GAS2: variants seen among roughly 807,000 people sequenced by gnomAD.
The protein encoded by GAS2 is growth arrest specific 2.
Under a neutral mutation model 37.5 loss-of-function variants are expected in GAS2, and 20 were observed. That is an observed-to-expected ratio of 0.53 (90% CI 0.37 to 0.77). The LOEUF (loss-of-function observed/expected upper bound fraction) is 0.77, where lower values mean the gene tolerates loss of function less well. GAS2 is among the 30% of genes least tolerant of loss of function. GAS2 has a pLI of 0.00. For missense variants in GAS2, 336 were observed against 373.4 expected (o/e 0.90, Z 0.82); for synonymous variants, 144 against 132.2 (o/e 1.09, Z -0.61).
intron 3 of GAS2, among the ~76,000 whole-genome samples, chr11:22,712,396 G>C (rs865987123): frequency 1.9e-4 from 29 of 152,158 alleles, no homozygotes; most frequent in African/African-American, 7.0e-4. Context: ...ACATTCCTTA[G>C]CACCAGCCTA....
At chr11:22,754,123 T>C (rs997071762) in intron 6 of GAS2, among the ~76,000 whole-genome samples, 2 of 152,080 alleles carry the variant, frequency 1.3e-5, no homozygotes, top group Non-Finnish European at 2.9e-5. Context: ...ACTAACTTAA[T>C]GTTAAGTAGT....
chr11:22,667,508 A>G (rs1365416770), intron 1 of GAS2, among the ~76,000 whole-genome samples: 2 of 152,200 alleles, frequency 1.3e-5, no homozygotes, highest in Non-Finnish European at 2.9e-5. Flanking sequence ...GCCGATATAT[A>G]TCAACACACT....
intron 5 of GAS2, among the ~76,000 whole-genome samples, chr11:22,738,111 C>T (rs952715278): frequency 6.6e-5 from 10 of 152,080 alleles, no homozygotes; most frequent in African/African-American, 2.2e-4. Flanking sequence ...ATTCTATCTT[C>T]CTCCTCCTTC....
chr11:22,683,157 C>T (rs950710804), intron 2 of GAS2, among the ~76,000 whole-genome samples: 1 of 131,818 alleles, frequency 7.6e-6, no homozygotes, highest in Non-Finnish European at 1.6e-5. Context: ...AGACTGCTCC[C>T]AAAAATGGAA....
chr11:22,733,550 A>G (rs1852593599), intron 4 of GAS2, among the ~76,000 whole-genome samples: 1 of 151,692 alleles, frequency 6.6e-6, no homozygotes, highest in Non-Finnish European at 1.5e-5. Flanking sequence ...GGTCTAATGC[A>G]TTTTATCCTT....
chr11:22,730,014 A>C (rs1852399094), intron 4 of GAS2, among the ~76,000 whole-genome samples: 1 of 151,828 alleles, frequency 6.6e-6, no homozygotes, highest in Non-Finnish European at 1.5e-5. Context: ...AAACATTAAA[A>C]AAATAGCTGG....
chr11:22,750,801 G>A (rs1426932842), intron 6 of GAS2, among the ~76,000 whole-genome samples: 2 of 151,240 alleles, frequency 1.3e-5, no homozygotes, highest in African/African-American at 4.9e-5. Flanking sequence ...ATTTCCCTGG[G>A]GCAAATATAC....
chr11:22,675,353 G>T (rs187971156), intron 2 of GAS2, among the ~76,000 whole-genome samples: 1 of 152,104 alleles, frequency 6.6e-6, no homozygotes, highest in African/African-American at 2.4e-5. Flanking sequence ...TTGTACACAG[G>T]CCACAGTGTC....
At chr11:22,807,053 G>C (rs758019568) in intron 7 of GAS2, among the ~76,000 whole-genome samples, 1 of 151,478 alleles carries the variant, frequency 6.6e-6, no homozygotes, top group Non-Finnish European at 1.5e-5. Flanking sequence ...TCAGTGAAAG[G>C]CAATAGTGTA....
At chr11:22,746,437 T>C (rs1210294073) in intron 5 of GAS2, among the ~76,000 whole-genome samples, 1 of 152,164 alleles carries the variant, frequency 6.6e-6, no homozygotes, top group African/African-American at 2.4e-5. Context: ...CCGTTCACAA[T>C]AGCAAAGATG....
intron 7 of GAS2, among the ~76,000 whole-genome samples, chr11:22,786,497 G>A (rs1011281411): frequency 6.6e-6 from 1 of 152,060 alleles, no homozygotes; most frequent in African/African-American, 2.4e-5. Context: ...ACTATGCAAG[G>A]ACTGGTTTTC....
chr11:22,667,909 A>T (rs968011621), intron 1 of GAS2, among the ~76,000 whole-genome samples: 1 of 152,196 alleles, frequency 6.6e-6, no homozygotes, highest in African/African-American at 2.4e-5. Context: ...GCAAAACTTT[A>T]TTCTTATAAA....
At chr11:22,737,622 A>G (rs7934119) in intron 4 of GAS2, 83 bp from the exon 5 acceptor site, 206,238 of 1,257,762 alleles carry the variant, frequency 0.16, 17,682 homozygotes, top group Admixed American at 0.18. Flanking sequence ...GAGCACGAGG[A>G]ATGAGGGTCA....
intron 1 of GAS2, chr11:22,626,186 A>G (rs530175100): frequency 3.2e-6 from 1 of 311,888 alleles, no homozygotes; most frequent in African/African-American, 2.1e-5. Flanking sequence ...GAGGTTTTTC[A>G]AAATTAAGTA....
At position 22,653,509 on chromosome 11, in the gene GAS2, C is replaced by T. The variant is rs377116862; in HGVS notation, c.-20-21341C>T. Among the ~76,000 whole-genome samples, 15 of 152,168 alleles carry T rather than the reference C, an allele frequency of 9.9e-5. No homozygotes were observed. In the South Asian group the frequency reaches 2.7e-3, roughly 27 times the overall value. ...AAACTTTCTTGTTTTTAATCACTTC[C>T]AGATCTATATGAAGACTGGAAGATG... is the stretch of plus-strand genomic sequence containing the variant. On this transcript the variant is annotated intron_variant, in intron 1 of 5. Transcript: ENST00000528582.
At chr11:22,744,313 C>T (rs906332753) in intron 5 of GAS2, among the ~76,000 whole-genome samples, 2 of 151,996 alleles carry the variant, frequency 1.3e-5, no homozygotes, top group Non-Finnish European at 2.9e-5. Flanking sequence ...CCAGCATCAC[C>T]CTGATTCCAA....
At chr11:22,695,679 T>C (rs140689323) in intron 3 of GAS2, among the ~76,000 whole-genome samples, 81 of 152,316 alleles carry the variant, frequency 5.3e-4, no homozygotes, top group African/African-American at 1.7e-3. Flanking sequence ...AGCTATTCAG[T>C]GGAAAATTCT....
At chr11:22,657,528 G>A (rs1848869758) in intron 1 of GAS2, among the ~76,000 whole-genome samples, 1 of 152,082 alleles carries the variant, frequency 6.6e-6, no homozygotes, top group Non-Finnish European at 1.5e-5. Context: ...TCCTGCGTGT[G>A]TGTGTGTGCA....
Position 22,651,633 on chromosome 11 carries a change from T to C in GAS2, c.-20-23217T>C, listed in dbSNP as rs571227098. 3.3e-5 allele frequency among the ~76,000 whole-genome samples: 5 copies of C among 152,318 alleles called. 1 individual carries two copies. Among genetic ancestry groups the C allele is most frequent in the African/African-American group, 1.2e-4 (5 of 41,572 alleles). On this transcript the variant is annotated intron_variant, in intron 1 of 5. Transcript: ENST00000528582. ...GTGCTCATTTCTTTTTATTCTTTTT[T>C]CTCTAAACTTCCCTTCTTACTTCAT...
Sources: gnomAD v4.1 joint callset for allele counts (sites outside exome capture counted in the v4.1 genomes callset) on GRCh38, gnomAD v4.1.1 for gene constraint, MANE v1.5 for transcripts, NCBI Gene and HGNC (gene_info 2026-07-23, HGNC 2026-07-21) for gene names.